Variants in TAB3 observed in about 807,000 individuals in gnomAD.
TAB3 encodes TGF-beta activated kinase 1 (MAP3K7) binding protein 3.
Under a neutral mutation model 48.1 loss-of-function variants are expected in TAB3, and 18 were observed. The observed-to-expected ratio is 0.37, with a 90% CI of 0.26 to 0.55. TAB3 has a LOEUF of 0.55. Ranked by LOEUF, TAB3 falls within the 20% of genes least tolerant of loss-of-function variation. TAB3 has a pLI of 0.78. For synonymous variants in TAB3, 185 were observed against 190.2 expected (o/e 0.97, Z 0.22); for missense variants, 414 against 549.8 (o/e 0.75, Z 2.47).
At chrX:30,846,182 ACT>A (rs1342175920) in intron 8 of TAB3, 13 of 575,326 alleles carry the variant, frequency 2.3e-5, no homozygotes, top group Admixed American at 6.3e-5. Flanking sequence ...GAAATCTGAT[ACT>A]CTGATTTGGG....
intron 5 of TAB3, 111 bp downstream of exon 5, chrX:30,859,360 CCACACACACACACACA>C (rs137921689): frequency 5.1e-6 from 2 of 391,991 alleles, no homozygotes; most frequent in East Asian, 4.3e-5. Context: ...AAATCCTGCT[CCACACACACACACACA>C]CACACACACA....
intron 5 of TAB3, among the ~76,000 whole-genome samples, chrX:30,858,159 G>C (rs376629540): frequency 3.9e-4 from 44 of 112,235 alleles, no homozygotes; most frequent in African/African-American, 1.4e-3. Flanking sequence ...AGCTGAATTT[G>C]AAGTTCTATT....
In TAB3 at chrX:30,885,003, G is replaced by A. The variant is rs180839293; in HGVS notation, c.-383+4111C>T. Among the ~76,000 whole-genome samples the A allele has an allele frequency of 2.1e-3, 233 of 112,366 alleles. 1 individual carries two copies. Among genetic ancestry groups the A allele is most frequent in the Non-Finnish European group, 2.5e-3 (131 of 53,275 alleles). On this transcript the variant is annotated intron_variant, in intron 1 of 10. Transcript: ENST00000288422. ...TCCGCTTTAATGACAATATTAGGCT[G>A]AGATGGACTAACTTAAATTTTATTT...
intron 5 of TAB3, among the ~76,000 whole-genome samples, chrX:30,855,785 C>T (rs1249418891): frequency 8.9e-6 from 1 of 112,058 alleles, no homozygotes; most frequent in Admixed American, 9.5e-5. Flanking sequence ...ACTACCACTA[C>T]TGCTACTGCT....
intron 1 of TAB3, among the ~76,000 whole-genome samples, chrX:30,876,646 T>C (rs771410200): frequency 9.0e-5 from 10 of 111,216 alleles, no homozygotes; most frequent in Non-Finnish European, 1.7e-4. Context: ...GCTGAGACTA[T>C]AGGCATGCAC....
At chrX:30,877,053 C>T in intron 1 of TAB3, among the ~76,000 whole-genome samples, 1 of 111,490 alleles carries the variant, frequency 9.0e-6, no homozygotes, top group African/African-American at 3.3e-5. Flanking sequence ...GAATTCCTAC[C>T]AGACAAAGGA....
chrX:30,881,404 G>T (rs1456136167), intron 1 of TAB3, among the ~76,000 whole-genome samples: 1 of 109,869 alleles, frequency 9.1e-6, no homozygotes, highest in African/African-American at 3.3e-5. Flanking sequence ...AATTGTTTAG[G>T]GAATATGAGA....
chrX:30,833,125 C>T (rs563850510), intron 10 of TAB3, among the ~76,000 whole-genome samples: 26 of 108,690 alleles, frequency 2.4e-4, no homozygotes, highest in Middle Eastern at 4.8e-3. Flanking sequence ...CGCCTGCCAC[C>T]GCACCCGGCT....
chrX:30,871,222 C>T (rs1302619009), intron 2 of TAB3, among the ~76,000 whole-genome samples: 1 of 111,833 alleles, frequency 8.9e-6, no homozygotes, highest in African/African-American at 3.3e-5. Context: ...ACTGTATTTA[C>T]CATCTGCTTA....
chrX:30,848,593 G>T (rs1410252199), intron 7 of TAB3, among the ~76,000 whole-genome samples: 2 of 111,305 alleles, frequency 1.8e-5, no homozygotes, highest in Non-Finnish European at 3.8e-5. Context: ...CTTACTAAGG[G>T]TTTATCAGTA....
chrX:30,872,806 A>G lies in TAB3; in HGVS notation c.-382-1005T>C, dbSNP rs957771152. ...CTGTCACCACTTGAACCCTCTGATG[A>G]ATCTTCACAACACTTAAGGTGAAAT... On this transcript the variant is annotated intron_variant, in intron 1 of 10. Coordinates refer to ENST00000288422, the MANE Select transcript of TAB3 (RefSeq NM_152787.5). 1.1e-4 allele frequency among the ~76,000 whole-genome samples: 12 copies of G among 112,272 alleles called. 2 individuals carry two copies.
intron 1 of TAB3, among the ~76,000 whole-genome samples, chrX:30,888,617 A>G (rs748099449): frequency 3.6e-5 from 4 of 112,078 alleles, no homozygotes; most frequent in Non-Finnish European, 5.6e-5. Flanking sequence ...TCCTTACTCA[A>G]CACCTACCAA....
chrX:30,851,163 TTCC>T (rs1242103205), intron 7 of TAB3, among the ~76,000 whole-genome samples: 3 of 112,236 alleles, frequency 2.7e-5, no homozygotes, highest in Non-Finnish European at 5.6e-5. Flanking sequence ...AGTTAAAATC[TTCC>T]TCCTCACTTC....
At chrX:30,876,115 A>T (rs146167521) in intron 1 of TAB3, among the ~76,000 whole-genome samples, 1 of 111,986 alleles carries the variant, frequency 8.9e-6, no homozygotes, top group African/African-American at 3.2e-5. Context: ...AATCGCAATG[A>T]ATCAGTTCAC....
chrX:30,852,800 C>T lies in TAB3; in HGVS notation c.1688G>A (p.Ser563Asn), dbSNP rs1325842635. Residue 563 changes from serine (S) to asparagine (N), a missense_variant, in exon 7 of 11, where the codon AGC becomes AAC. Coordinates refer to ENST00000288422, the MANE Select transcript of TAB3 (RefSeq NM_152787.5). ...TACCGTAGGGATCGCAGTGGTGCAG[C>T]TGACTCTTCTGAGCCGTCTCTGCAT... ...DLMQRRLRRVSCTTAIPTPEE... is the reference protein window; with the variant it reads ...DLMQRRLRRVNCTTAIPTPEE... The T allele has an allele frequency of 8.3e-7, 1 of 1,209,239 alleles. No homozygotes were observed. The highest frequency in any genetic ancestry group is 1.1e-6 in the Non-Finnish European group (1 of 894,976).
intron 6 of TAB3, among the ~76,000 whole-genome samples, chrX:30,853,301 CTG>C (rs1401819559): frequency 2.7e-5 from 3 of 112,747 alleles, no homozygotes; most frequent in South Asian, 7.2e-4. Context: ...TTTAAAAACT[CTG>C]TATCTAATTT....
chrX:30,888,312 C>A (rs1360134490), intron 1 of TAB3, among the ~76,000 whole-genome samples: 1 of 112,358 alleles, frequency 8.9e-6, no homozygotes, highest in Non-Finnish European at 1.9e-5. Flanking sequence ...AGAAACACAT[C>A]GAACTGACAA....
intron 5 of TAB3, among the ~76,000 whole-genome samples, chrX:30,857,133 C>T (rs1192624166): frequency 1.8e-5 from 2 of 111,783 alleles, no homozygotes; most frequent in Admixed American, 9.5e-5. Context: ...TGAGATCATG[C>T]GTGTAAAACA....
At chrX:30,886,881 A>T (rs1313170546) in intron 1 of TAB3, among the ~76,000 whole-genome samples, 1 of 112,443 alleles carries the variant, frequency 8.9e-6, no homozygotes, top group Non-Finnish European at 1.9e-5. Flanking sequence ...GACCACTGGC[A>T]AGATGTTCCT....
Sources: allele counts gnomAD v4.1 joint callset (sites outside exome capture counted in the v4.1 genomes callset), GRCh38; gene constraint gnomAD v4.1.1; transcripts MANE v1.5; gene names NCBI Gene and HGNC (gene_info 2026-07-23, HGNC 2026-07-21).